The following EYS variants were observed in gnomAD, a reference collection of about 807,000 sequenced individuals.
The protein encoded by EYS is protein eyes shut homolog.
In EYS, 250 loss-of-function variants were observed where a neutral mutation model predicts 282.1. That is an observed-to-expected ratio of 0.89 (90% CI 0.80 to 0.98). EYS has a LOEUF of 0.98. Among genes scored for constraint, EYS ranks in the 50% least tolerant of loss-of-function variants. EYS has a pLI of 0.00. For synonymous variants in EYS, 1,355 were observed against 1,282.9 expected, an observed-to-expected ratio of 1.06 and a Z score of -1.20; for missense variants, 4,016 against 3,709.0, an observed-to-expected ratio of 1.08 and a Z score of -2.15.
intron 31 of EYS, among the ~76,000 whole-genome samples, chr6:64,219,786 G>A (rs978024639): frequency 2.0e-5 from 3 of 152,104 alleles, no homozygotes; most frequent in African/African-American, 7.2e-5. Context: ...CAACCCAAAT[G>A]TCCAACAATG....
chr6:64,911,570 T>C (rs1452528572), intron 16 of EYS, among the ~76,000 whole-genome samples: 1 of 152,148 alleles, frequency 6.6e-6, no homozygotes, highest in African/African-American at 2.4e-5. Context: ...GTGATATCCT[T>C]ATTATTAAGA....
intron 31 of EYS, among the ~76,000 whole-genome samples, chr6:64,170,240 A>C (rs1764438744): frequency 6.6e-6 from 1 of 152,218 alleles, no homozygotes; most frequent in African/African-American, 2.4e-5. Flanking sequence ...AAAATAAAAA[A>C]ATCTTGATTA....
chr6:64,071,535 T>A (rs921631649), intron 32 of EYS, among the ~76,000 whole-genome samples: 13 of 149,352 alleles, frequency 8.7e-5, no homozygotes, highest in Non-Finnish European at 4.4e-5. Context: ...GTAAATAAAA[T>A]CTTTGACATT....
intron 31 of EYS, among the ~76,000 whole-genome samples, chr6:64,167,478 T>G (rs1030533998): frequency 6.6e-6 from 1 of 152,182 alleles, no homozygotes; most frequent in African/African-American, 2.4e-5. Context: ...GCACATGGGT[T>G]TATTTATGGC....
intron 22 of EYS, among the ~76,000 whole-genome samples, chr6:64,798,026 T>C (rs1249181059): frequency 6.6e-6 from 1 of 151,908 alleles, no homozygotes; most frequent in East Asian, 1.9e-4. Context: ...ACCATTATTT[T>C]CTTCATTATA....
chr6:64,259,650 GCACACA>G (rs1554222995), intron 30 of EYS, among the ~76,000 whole-genome samples: 14 of 145,714 alleles, frequency 9.6e-5, no homozygotes, highest in Admixed American at 6.9e-4. Flanking sequence ...TTACACACGC[GCACACA>G]CACACACACA....
intron 35 of EYS, among the ~76,000 whole-genome samples, chr6:63,866,230 GGT>G (rs34809610): frequency 0.48 from 73,569 of 151,760 alleles, 19,690 homozygotes; most frequent in Non-Finnish European, 0.59. Flanking sequence ...AAATATTTCT[GGT>G]GTGACCTAAA....
At chr6:65,493,749 A>C (rs1417347079) in intron 4 of EYS, among the ~76,000 whole-genome samples, 1 of 152,052 alleles carries the variant, frequency 6.6e-6, no homozygotes, top group African/African-American at 2.4e-5. Context: ...TTTTCTGATT[A>C]TTGCCTTTTA....
intron 22 of EYS, among the ~76,000 whole-genome samples, chr6:64,808,915 T>C (rs1417124475): frequency 2.6e-5 from 4 of 152,070 alleles, no homozygotes; most frequent in Non-Finnish European, 1.5e-5. Flanking sequence ...ATACTCAAAA[T>C]TTAATAGTAG....
At chr6:63,997,420 A>G (rs1767884541) in intron 34 of EYS, among the ~76,000 whole-genome samples, 1 of 152,124 alleles carries the variant, frequency 6.6e-6, no homozygotes, top group African/African-American at 2.4e-5. Context: ...GGGTTAACAC[A>G]AGTTAGAAGG....
intron 22 of EYS, among the ~76,000 whole-genome samples, chr6:64,743,978 A>C (rs1772464844): frequency 6.6e-6 from 1 of 152,148 alleles, no homozygotes; most frequent in Non-Finnish European, 1.5e-5. Flanking sequence ...GAATAATTCT[A>C]TAATGCATAG....
intron 2 of EYS, among the ~76,000 whole-genome samples, chr6:65,615,662 C>G (rs1038272287): frequency 1.3e-5 from 2 of 152,050 alleles, no homozygotes; most frequent in African/African-American, 4.8e-5. Flanking sequence ...CAGCCAGGTG[C>G]GGTGGCTCAC....
At position 64,463,104 on chromosome 6, in the gene EYS, G is replaced by A. The variant is rs957523097; in HGVS notation, c.5645-23752C>T. Among the ~76,000 whole-genome samples, 4 of 151,790 alleles carry A rather than the reference G, an allele frequency of 2.6e-5. No individual in the cohort carries two copies. In the South Asian group the frequency reaches 8.3e-4, roughly 32 times the overall value. On this transcript the variant is annotated intron_variant, in intron 26 of 42. Transcript: ENST00000503581. ...TGGGACTACAGGTGCCCGCCACCAC[G>A]CCCGGCTATTTATTTTTTGGATTTT...
At chr6:65,136,855 T>C (rs1203458082) in intron 12 of EYS, among the ~76,000 whole-genome samples, 2 of 151,960 alleles carry the variant, frequency 1.3e-5, no homozygotes, top group Non-Finnish European at 2.9e-5. Context: ...CTAATTTTTG[T>C]ATTTTTTGTA....
At chr6:64,541,894 A>G (rs1442970529) in intron 26 of EYS, among the ~76,000 whole-genome samples, 1 of 152,202 alleles carries the variant, frequency 6.6e-6, no homozygotes, top group Admixed American at 6.5e-5. Flanking sequence ...CTTTCATTTT[A>G]TACGGTCAGA....
Position 64,552,922 on chromosome 6 carries a change from C to T in EYS, c.5644+37301G>A, listed in dbSNP as rs539417457. ...CAACAAGTGAGACTCCATTCCCCCC[C>T]GCCCCCTCCCCCCCAAAAAAAGAAA... On this transcript the variant is annotated intron_variant, in intron 26 of 42. Transcript: ENST00000503581. Among the ~76,000 whole-genome samples the T allele has an allele frequency of 7.2e-4, 101 of 139,672 alleles. 1 individual carries two copies. In the South Asian group the frequency reaches 0.026, roughly 36 times the overall value. The allele number at this position is 139,672 out of a possible 152,430, so 91.6% of individuals were successfully genotyped here.
intron 12 of EYS, among the ~76,000 whole-genome samples, chr6:65,145,513 GA>G (rs369522895): frequency 0.13 from 18,216 of 142,518 alleles, 1,419 homozygotes; most frequent in African/African-American, 0.23. Flanking sequence ...TATGTAAGAG[GA>G]AAAAAAAAAA....
chr6:64,662,006 C>A (rs938325801), intron 22 of EYS, among the ~76,000 whole-genome samples: 89 of 151,832 alleles, frequency 5.9e-4, no homozygotes, highest in Non-Finnish European at 1.2e-3. Context: ...ATGATAGACT[C>A]AATTAAGAAA....
intron 13 of EYS, among the ~76,000 whole-genome samples, chr6:65,009,849 G>T (rs560339311): frequency 1.1e-4 from 16 of 152,178 alleles, no homozygotes; most frequent in Admixed American, 3.3e-4. Flanking sequence ...CCTCAGTCAG[G>T]AATGTATCCT....
Sources: allele counts gnomAD v4.1 joint callset (sites outside exome capture counted in the v4.1 genomes callset), GRCh38; gene constraint gnomAD v4.1.1; transcripts MANE v1.5; gene names NCBI Gene and HGNC (gene_info 2026-07-23, HGNC 2026-07-21).